Variants in RIMKLB observed in about 807,000 individuals in gnomAD.
RIMKLB encodes the protein ribosomal modification protein rimK like family member B.
In RIMKLB, 7 loss-of-function variants were observed where a neutral mutation model predicts 32.0. The ratio of observed to expected loss-of-function variants is 0.22; its 90% CI spans 0.12 to 0.41. The LOEUF is 0.41. Among genes scored for constraint, RIMKLB ranks in the 10% least tolerant of loss-of-function variants. RIMKLB has a pLI of 1.00. For missense variants in RIMKLB, 289 were observed against 498.7 expected (o/e 0.58, Z 4.00); for synonymous variants, 172 against 185.1 (o/e 0.93, Z 0.57).
intron 5 of RIMKLB, among the ~76,000 whole-genome samples, chr12:8,759,421 A>T (rs1415584660): frequency 6.6e-6 from 1 of 152,184 alleles, no homozygotes; most frequent in East Asian, 1.9e-4. Context: ...TTACTTTTTA[A>T]AAAGCCCATA....
At chr12:8,749,391 A>G (rs1591880259) in intron 2 of RIMKLB, among the ~76,000 whole-genome samples, 1 of 152,096 alleles carries the variant, frequency 6.6e-6, no homozygotes, top group South Asian at 2.1e-4. Flanking sequence ...TTGTATTTTT[A>G]GTAGAGTTGG....
At chr12:8,706,811 G>T (rs944386558) in intron 1 of RIMKLB, among the ~76,000 whole-genome samples, 1 of 152,028 alleles carries the variant, frequency 6.6e-6, no homozygotes, top group Non-Finnish European at 1.5e-5. Context: ...ATTTAGTTAG[G>T]GATGCCCAGT....
intron 2 of RIMKLB, among the ~76,000 whole-genome samples, chr12:8,719,258 A>G (rs1210223934): frequency 6.6e-6 from 1 of 152,210 alleles, no homozygotes; most frequent in Non-Finnish European, 1.5e-5. Context: ...CTATTGTATA[A>G]TTATATTTCA....
rs777295816 is a variant in RIMKLB at position 8,776,243 on chromosome 12, T to G, written c.*2459T>G. The G allele has an allele frequency of 2.0e-6, 2 of 978,364 alleles. No homozygotes were observed. Among genetic ancestry groups the G allele is most frequent in the Non-Finnish European group, 2.4e-6 (2 of 823,644 alleles). The allele number at this position is 978,364 out of a possible 1,614,324, so 60.6% of individuals were successfully genotyped here. A position where few individuals can be genotyped will look rare whatever the true frequency, so the allele number is the denominator to read the frequency against. On this transcript the variant is annotated 3_prime_UTR_variant, in exon 6 of 6. Transcript: ENST00000535829. ...AGTTCATTAGCTTTATTCACTATTA[T>G]GCATTCACATGATATTAAAACGTAC... is the stretch of plus-strand genomic sequence containing the variant.
intron 2 of RIMKLB, among the ~76,000 whole-genome samples, chr12:8,729,352 A>C (rs1946330032): frequency 6.6e-6 from 1 of 150,858 alleles, no homozygotes; most frequent in Non-Finnish European, 1.5e-5. Flanking sequence ...AAGGGGATGG[A>C]GCGGGAAGGT....
In RIMKLB at chr12:8,759,611, A is replaced by G. The variant is rs779392246; in HGVS notation, c.697+5518A>G. On this transcript the variant is annotated intron_variant, in intron 5 of 5. Coordinates refer to ENST00000535829, the MANE Select transcript of RIMKLB (RefSeq NM_001297776.2). ...CTCTTCATTATATTTGCTTAGTTTT[A>G]AATTGGGCAGTTTTGTCTTTTGCAT... is the stretch of plus-strand genomic sequence containing the variant. Among the ~76,000 whole-genome samples the G allele has an allele frequency of 2.1e-4, 32 of 152,212 alleles. No homozygotes were observed. In the South Asian group the frequency reaches 6.4e-3, roughly 31 times the overall value.
chr12:8,672,455 T>TG, the RIMKLB span, among the ~76,000 whole-genome samples: 1 of 152,178 alleles, frequency 6.6e-6, no homozygotes. Context: ...TTCACATGGC[T>TG]GGGGAGACCT....
intron 2 of RIMKLB, among the ~76,000 whole-genome samples, chr12:8,717,269 T>A (rs1944955246): frequency 6.6e-6 from 1 of 152,150 alleles, no homozygotes; most frequent in African/African-American, 2.4e-5. Flanking sequence ...CACAGTTCTG[T>A]ACTTTAAATG....
intron 5 of RIMKLB, among the ~76,000 whole-genome samples, chr12:8,756,030 G>A (rs1948992594): frequency 6.6e-6 from 1 of 151,538 alleles, no homozygotes; most frequent in Non-Finnish European, 1.5e-5. Flanking sequence ...GCACATTCCT[G>A]TTTAGTCCCG....
chr12:8,680,686 A>G (rs1439296405), upstream of RIMKLB, among the ~76,000 whole-genome samples: 1 of 152,024 alleles, frequency 6.6e-6, no homozygotes, highest in Non-Finnish European at 1.5e-5. Context: ...ACACCGCTAT[A>G]CTGTCTGGGT....
chr12:8,751,101 G>T (rs568458720), intron 3 of RIMKLB, among the ~76,000 whole-genome samples: 4 of 152,168 alleles, frequency 2.6e-5, no homozygotes, highest in Non-Finnish European at 5.9e-5. Flanking sequence ...ATTAATATAA[G>T]TTGAGAATTC....
chr12:8,741,131 G>A (rs886496539), intron 2 of RIMKLB, among the ~76,000 whole-genome samples: 7 of 152,042 alleles, frequency 4.6e-5, no homozygotes, highest in Non-Finnish European at 1.5e-5. Flanking sequence ...GCTTGAACCC[G>A]GGAGACGGAG....
chr12:8,707,871 A>G (rs755890666), intron 1 of RIMKLB, among the ~76,000 whole-genome samples: 11 of 152,276 alleles, frequency 7.2e-5, no homozygotes, highest in Admixed American at 5.9e-4. Flanking sequence ...ACCTGATTCA[A>G]CTCCCGTGAT....
intron 1 of RIMKLB, among the ~76,000 whole-genome samples, chr12:8,704,770 G>A (rs796414083): frequency 5.1e-4 from 77 of 152,182 alleles, no homozygotes; most frequent in African/African-American, 1.8e-3. Context: ...TTTTGCTTGA[G>A]GCCAGGAGTT....
intron 2 of RIMKLB, among the ~76,000 whole-genome samples, chr12:8,730,559 A>C (rs181571079): frequency 2.4e-4 from 37 of 152,324 alleles, no homozygotes; most frequent in African/African-American, 8.4e-4. Flanking sequence ...TAGGTGAAAC[A>C]GACCAGACCT....
intron 2 of RIMKLB, among the ~76,000 whole-genome samples, chr12:8,735,301 C>T (rs1243446023): frequency 6.6e-6 from 1 of 152,112 alleles, no homozygotes; most frequent in Non-Finnish European, 1.5e-5. Context: ...ACAATCTTGG[C>T]CCATTGCATC....
chr12:8,717,432 C>CTT (rs150157505), intron 2 of RIMKLB, among the ~76,000 whole-genome samples: 118 of 148,556 alleles, frequency 7.9e-4, no homozygotes, highest in African/African-American at 2.7e-3. Context: ...TTTCCTTTTC[C>CTT]TTTTTTTTTT....
intron 3 of RIMKLB, among the ~76,000 whole-genome samples, chr12:8,750,586 T>C (rs951443221): frequency 1.3e-5 from 2 of 152,212 alleles, no homozygotes; most frequent in African/African-American, 2.4e-5. Context: ...AGTAACACTT[T>C]AGTAGGTGTA....
At chr12:8,680,741 A>C (rs915734914), upstream of RIMKLB, among the ~76,000 whole-genome samples, 1 of 152,174 alleles carries the variant, frequency 6.6e-6, no homozygotes, top group African/African-American at 2.4e-5. Flanking sequence ...TGCCTCATTC[A>C]GTTAAGATGA....
Sources: allele counts gnomAD v4.1 joint callset (sites outside exome capture counted in the v4.1 genomes callset), GRCh38; gene constraint gnomAD v4.1.1; transcripts MANE v1.5; gene names NCBI Gene and HGNC (gene_info 2026-07-23, HGNC 2026-07-21).